The following ZMAT4 variants were observed in gnomAD, a reference collection of about 807,000 sequenced individuals.
ZMAT4 encodes zinc finger matrin-type protein 4.
A neutral mutation model predicts 28.7 loss-of-function variants in ZMAT4; 17 were observed. The ratio of observed to expected loss-of-function variants is 0.59; its 90% confidence interval spans 0.41 to 0.89. The LOEUF (loss-of-function observed/expected upper bound fraction) is 0.89, where lower values mean the gene tolerates loss of function less well. ZMAT4 is among the 40% of genes least tolerant of loss of function. The pLI is 0.00. For synonymous variants in ZMAT4, 117 were observed against 109.2 expected (o/e 1.07, Z -0.44); for missense variants, 240 against 283.8 (o/e 0.85, Z 1.11).
chr8:40,739,643 TTTTAC>T (rs1183331320), intron 3 of ZMAT4, among the ~76,000 whole-genome samples: 1 of 152,170 alleles, frequency 6.6e-6, no homozygotes, highest in Non-Finnish European at 1.5e-5. Flanking sequence ...TGTTTGTTTG[TTTTAC>T]TTTAAGTTCT....
rs942111430 is a variant in ZMAT4, at chr8:40,824,769, G to T, written c.102+806C>A. ...AAAAGAAAAAAAGAAAGAAAGAAAA[G>T]AAAGAAAGAAAATAAAGAAATTCAT... On this transcript the variant is annotated intron_variant, in intron 2 of 6. Coordinates refer to ENST00000297737, the MANE Select transcript of ZMAT4 (RefSeq NM_024645.3). Among the ~76,000 whole-genome samples, 8 of 146,898 alleles carry T rather than the reference G, an allele frequency of 5.4e-5. No homozygotes were observed. In the South Asian group the frequency reaches 1.7e-3, roughly 32 times the overall value.
At chr8:40,635,586 C>A (rs182678973) in intron 5 of ZMAT4, among the ~76,000 whole-genome samples, 54 of 152,322 alleles carry the variant, frequency 3.5e-4, no homozygotes, top group African/African-American at 1.3e-3. Flanking sequence ...ATTAGAGGTA[C>A]AATAAATATG....
chr8:40,759,343 T>C (rs747097915), intron 3 of ZMAT4, among the ~76,000 whole-genome samples: 6 of 151,244 alleles, frequency 4.0e-5, no homozygotes, highest in Admixed American at 6.6e-5. Context: ...TAAATTCCTA[T>C]ATTGAAGACC....
chr8:40,611,907 T>C (rs993886302), intron 5 of ZMAT4, among the ~76,000 whole-genome samples: 2 of 152,224 alleles, frequency 1.3e-5, no homozygotes, highest in Non-Finnish European at 2.9e-5. Context: ...CTGAAAGATT[T>C]AGGGTCTGGA....
At chr8:40,789,236 C>T (rs1293443312) in intron 2 of ZMAT4, among the ~76,000 whole-genome samples, 1 of 152,152 alleles carries the variant, frequency 6.6e-6, no homozygotes, top group Non-Finnish European at 1.5e-5. Context: ...TAGCAGGAAA[C>T]TTCCTCACCC....
chr8:40,693,469 C>T (rs1403421153), intron 4 of ZMAT4, among the ~76,000 whole-genome samples: 1 of 152,182 alleles, frequency 6.6e-6, no homozygotes, highest in East Asian at 1.9e-4. Flanking sequence ...GACTGGTGCA[C>T]AGCCTGGGAA....
At chr8:40,778,492 T>C (rs1299280024) in intron 2 of ZMAT4, among the ~76,000 whole-genome samples, 1 of 152,210 alleles carries the variant, frequency 6.6e-6, no homozygotes, top group Non-Finnish European at 1.5e-5. Flanking sequence ...CTCTCACCAG[T>C]GCAGCTGGGG....
intron 5 of ZMAT4, among the ~76,000 whole-genome samples, chr8:40,639,661 C>T (rs1308882800): frequency 6.7e-6 from 1 of 148,996 alleles, no homozygotes; most frequent in Non-Finnish European, 1.5e-5. Flanking sequence ...CAAGAACACG[C>T]ACAATGAAGT....
chr8:40,824,808 T>C (rs1480437812), intron 2 of ZMAT4, among the ~76,000 whole-genome samples: 1 of 152,128 alleles, frequency 6.6e-6, no homozygotes, highest in African/African-American at 2.4e-5. Context: ...CCTACTAGTA[T>C]ATGTTCTTTT....
At chr8:40,765,414 C>CATCAACT (rs558661425) in intron 3 of ZMAT4, among the ~76,000 whole-genome samples, 171 of 152,190 alleles carry the variant, frequency 1.1e-3, no homozygotes, top group African/African-American at 3.6e-3. Flanking sequence ...GTAACAAAAG[C>CATCAACT]ATCAACTATC....
chr8:40,578,614 C>T (rs7838455), intron 6 of ZMAT4, among the ~76,000 whole-genome samples: 16,932 of 151,986 alleles, frequency 0.11, 1,195 homozygotes, highest in Admixed American at 0.2. Flanking sequence ...CTCTCTCTCT[C>T]TTTCAATCTC....
chr8:40,535,920 G>T (rs953711753), intron 6 of ZMAT4, among the ~76,000 whole-genome samples: 2 of 152,134 alleles, frequency 1.3e-5, no homozygotes, highest in African/African-American at 4.8e-5. Flanking sequence ...ACAAGGAAAA[G>T]GCAGTCATGG....
At chr8:40,565,575 A>C (rs1173132165) in intron 6 of ZMAT4, among the ~76,000 whole-genome samples, 1 of 151,378 alleles carries the variant, frequency 6.6e-6, no homozygotes, top group Non-Finnish European at 1.5e-5. Flanking sequence ...ATGGGATTTC[A>C]CCATGTTGGC....
At chr8:40,801,048 G>T (rs1814809312) in intron 2 of ZMAT4, among the ~76,000 whole-genome samples, 1 of 151,628 alleles carries the variant, frequency 6.6e-6, no homozygotes, top group Non-Finnish European at 1.5e-5. Flanking sequence ...ATTACTACAG[G>T]TCTCATGAAC....
intron 4 of ZMAT4, among the ~76,000 whole-genome samples, chr8:40,679,796 A>G (rs747031873): frequency 1.3e-5 from 2 of 152,238 alleles, no homozygotes; most frequent in South Asian, 2.1e-4. Context: ...AACATATTCT[A>G]CAACCTAACT....
intron 6 of ZMAT4, among the ~76,000 whole-genome samples, chr8:40,552,174 C>T (rs989376431): frequency 1.3e-5 from 2 of 152,190 alleles, no homozygotes; most frequent in African/African-American, 4.8e-5. Flanking sequence ...GATCCATTTA[C>T]TCTTTGGGCA....
At chr8:40,820,596 G>A (rs1377388003) in intron 2 of ZMAT4, among the ~76,000 whole-genome samples, 1 of 107,568 alleles carries the variant, frequency 9.3e-6, no homozygotes, top group Non-Finnish European at 2.0e-5. Flanking sequence ...GTATCTGTAT[G>A]TGGGAGTGCA....
intron 5 of ZMAT4, among the ~76,000 whole-genome samples, chr8:40,584,600 C>A (rs573007645): frequency 2.6e-5 from 4 of 152,012 alleles, no homozygotes; most frequent in Non-Finnish European, 5.9e-5. Context: ...CCCACAAAGA[C>A]AATTTGAATG....
At chr8:40,783,647 AG>A (rs1457323789) in intron 2 of ZMAT4, among the ~76,000 whole-genome samples, 2 of 152,204 alleles carry the variant, frequency 1.3e-5, no homozygotes, top group Non-Finnish European at 1.5e-5. Context: ...TAAACATAAG[AG>A]ATGCATATCT....
Sources: gnomAD v4.1 joint callset for allele counts (sites outside exome capture counted in the v4.1 genomes callset) on GRCh38, gnomAD v4.1.1 for gene constraint, MANE v1.5 for transcripts, NCBI Gene and HGNC (gene_info 2026-07-23, HGNC 2026-07-21) for gene names.